Variants in SGCD observed in about 807,000 individuals in gnomAD.
The protein encoded by SGCD is delta-sarcoglycan.
In SGCD, 18 loss-of-function variants were observed where a neutral mutation model predicts 36.6. The observed-to-expected ratio is 0.49, with a 90% CI of 0.34 to 0.73. The LOEUF (loss-of-function observed/expected upper bound fraction) is 0.73. SGCD is among the 30% of genes least tolerant of loss of function. SGCD has a pLI of 0.01. For synonymous variants in SGCD, 133 were observed against 130.6 expected (o/e 1.02, Z -0.12); for missense variants, 387 against 346.7 (o/e 1.12, Z -0.92).
chr5:156,253,007 A>T (rs1765621469), intron 3 of SGCD, among the ~76,000 whole-genome samples: 1 of 152,198 alleles, frequency 6.6e-6, no homozygotes, highest in Non-Finnish European at 1.5e-5. Flanking sequence ...TTTTTCACAT[A>T]TGTCTTTATC....
At chr5:156,005,431 G>T (rs1255671517) in intron 1 of SGCD, among the ~76,000 whole-genome samples, 1 of 59,142 alleles carries the variant, frequency 1.7e-5, no homozygotes, top group Non-Finnish European at 3.8e-5. Context: ...TTCAGTTTTT[G>T]TTGTTGTTGT....
At chr5:156,182,010 A>T (rs1310512559) in intron 3 of SGCD, among the ~76,000 whole-genome samples, 1 of 152,210 alleles carries the variant, frequency 6.6e-6, no homozygotes, top group Non-Finnish European at 1.5e-5. Flanking sequence ...CTGGAACTCA[A>T]GGGATGGAGG....
At chr5:156,493,852 G>T (rs1428861928) in intron 3 of SGCD, among the ~76,000 whole-genome samples, 1 of 152,008 alleles carries the variant, frequency 6.6e-6, no homozygotes, top group Admixed American at 6.6e-5. Context: ...TTCACCTTCT[G>T]CTAGGAAATG....
At chr5:156,262,803 T>C (rs1348813540) in intron 3 of SGCD, among the ~76,000 whole-genome samples, 2 of 152,266 alleles carry the variant, frequency 1.3e-5, no homozygotes, top group East Asian at 3.9e-4. Flanking sequence ...TTGCCAATCC[T>C]GAGTTACTTC....
intron 3 of SGCD, among the ~76,000 whole-genome samples, chr5:156,292,850 C>A (rs1038398958): frequency 6.6e-6 from 1 of 152,058 alleles, no homozygotes; most frequent in African/African-American, 2.4e-5. Context: ...CCCAATGATA[C>A]TGATTTGGGG....
intron 3 of SGCD, among the ~76,000 whole-genome samples, chr5:156,365,442 G>A (rs887244781): frequency 6.6e-6 from 1 of 152,182 alleles, no homozygotes; most frequent in African/African-American, 2.4e-5. Context: ...CTCACCAGGA[G>A]TTCTTTAGGA....
intron 3 of SGCD, among the ~76,000 whole-genome samples, chr5:156,380,918 G>A (rs1770941572): frequency 6.6e-6 from 1 of 152,188 alleles, no homozygotes; most frequent in South Asian, 2.1e-4. Flanking sequence ...TGCTTTTCCA[G>A]GCATTGTGTG....
At chr5:156,032,292 G>A (rs1021994352) in intron 1 of SGCD, among the ~76,000 whole-genome samples, 3 of 152,026 alleles carry the variant, frequency 2.0e-5, no homozygotes, top group Admixed American at 6.6e-5. Context: ...CTAGAAATAT[G>A]CCCTGACATT....
chr5:156,367,810 G>A (rs73291254), intron 3 of SGCD, among the ~76,000 whole-genome samples: 2,419 of 152,264 alleles, frequency 0.016, 70 homozygotes, highest in African/African-American at 0.056. Flanking sequence ...TGTAAGCTAG[G>A]TGGTTGTTGG....
chr5:156,426,877 T>C (rs547168056), intron 3 of SGCD, among the ~76,000 whole-genome samples: 51 of 152,246 alleles, frequency 3.3e-4, no homozygotes, highest in Non-Finnish European at 5.7e-4. Context: ...ATTTCTGAGT[T>C]CTCTACTCAG....
chr5:156,626,077 G>T (rs867830513), intron 6 of SGCD, among the ~76,000 whole-genome samples: 1 of 152,136 alleles, frequency 6.6e-6, no homozygotes, highest in Non-Finnish European at 1.5e-5. Flanking sequence ...CTAACGGATG[G>T]AGGATAGGGA....
chr5:156,240,792 A>C (rs1366724079), intron 3 of SGCD, among the ~76,000 whole-genome samples: 1 of 152,220 alleles, frequency 6.6e-6, no homozygotes, highest in Admixed American at 6.5e-5. Context: ...GTATTTTACA[A>C]AGTATCAGTC....
chr5:155,804,054 T>C, the SGCD span, among the ~76,000 whole-genome samples: 2 of 152,200 alleles, frequency 1.3e-5, no homozygotes. Context: ...GGAGATACTA[T>C]GGAGAGGATT....
intron 6 of SGCD, among the ~76,000 whole-genome samples, chr5:156,625,136 C>A (rs765867834): frequency 1.3e-5 from 2 of 152,178 alleles, no homozygotes; most frequent in Admixed American, 1.3e-4. Flanking sequence ...GAACAAGCCC[C>A]CTCCCCAGCA....
At chr5:155,743,801 C>A in the SGCD span, among the ~76,000 whole-genome samples, 1 of 152,158 alleles carries the variant, frequency 6.6e-6, no homozygotes, top group South Asian at 2.1e-4. Context: ...TGAGGAAAAC[C>A]AAAATTGTTC....
chr5:156,737,159 A>G (rs984303604), intron 7 of SGCD, among the ~76,000 whole-genome samples: 3 of 152,234 alleles, frequency 2.0e-5, no homozygotes, highest in African/African-American at 7.2e-5. Context: ...ACACAAATTA[A>G]GTACTTCCTC....
chr5:156,095,207 C>T (rs2127595290), intron 1 of SGCD, among the ~76,000 whole-genome samples: 1 of 152,184 alleles, frequency 6.6e-6, no homozygotes, highest in South Asian at 2.1e-4. Context: ...TTTGCAATCC[C>T]AAGAGGTATG....
intron 6 of SGCD, among the ~76,000 whole-genome samples, chr5:156,613,379 A>G (rs538303750): frequency 2.6e-5 from 4 of 152,358 alleles, no homozygotes; most frequent in East Asian, 3.9e-4. Context: ...GTTTGGACCA[A>G]TGGATTTTGT....
the SGCD span, among the ~76,000 whole-genome samples, chr5:155,795,732 G>C: frequency 2.6e-5 from 4 of 152,152 alleles, no homozygotes; most frequent in African/African-American, 7.2e-5. Context: ...ATAGATAATT[G>C]CAAGTATGTA....
Sources: gnomAD v4.1 joint callset for allele counts (sites outside exome capture counted in the v4.1 genomes callset) on GRCh38, gnomAD v4.1.1 for gene constraint, MANE v1.5 for transcripts, NCBI Gene and HGNC (gene_info 2026-07-23, HGNC 2026-07-21) for gene names.